The following TSC22D2 variants were observed in gnomAD, a reference collection of about 807,000 sequenced individuals.
TSC22D2 encodes TSC22 domain family protein 2.
A neutral mutation model predicts 50.1 loss-of-function variants in TSC22D2; 5 were observed. That is an observed-to-expected ratio of 0.10 (90% CI 0.05 to 0.21). The LOEUF is 0.21. Among genes scored for constraint, TSC22D2 ranks in the 10% least tolerant of loss-of-function variants. The probability of loss-of-function intolerance (pLI) is 1.00; values close to 1 mark genes in which losing one functional copy is unlikely to be tolerated. For synonymous variants in TSC22D2, 501 were observed against 450.1 expected (o/e 1.11, Z -1.43); for missense variants, 1,003 against 1,015.5 (o/e 0.99, Z 0.17).
chr3:150,440,900 A>G (rs924487893), intron 1 of TSC22D2, among the ~76,000 whole-genome samples: 6 of 151,950 alleles, frequency 3.9e-5, no homozygotes, highest in African/African-American at 1.2e-4. Context: ...TTAAAACCAT[A>G]AGAATTTGTT....
rs774578835 is a variant in TSC22D2, at chr3:150,410,255, C to T, written c.905C>T (p.Pro302Leu). 1.3e-5 allele frequency: 21 copies of T among 1,558,468 alleles called. No homozygotes were observed. Among genetic ancestry groups the T allele is most frequent in the Non-Finnish European group, 1.6e-5 (19 of 1,152,460 alleles). Residue 302 changes from proline to leucine, a missense_variant, in exon 1 of 3, where the codon CCG (proline) becomes CTG (leucine). Physicochemically the swap from Pro to Leu is moderately conservative, Grantham distance 98. Around this residue, in one of 6 missense-constraint regions of TSC22D2, gnomAD observed 696 missense variants for 647.8 expected, o/e 1.07. Coordinates refer to ENST00000688009, the MANE Select transcript of TSC22D2 (RefSeq NM_001303264.2). ...LPPFPGAATG[P>L]QPMMAAAQPS... is the part of the protein sequence containing the mutation. ...CCGTTCCCGGGAGCCGCGACCGGGC[C>T]GCAGCCAATGATGGCAGCCGCGCAG...
intron 1 of TSC22D2, among the ~76,000 whole-genome samples, chr3:150,428,957 C>A (rs569747056): frequency 6.6e-6 from 1 of 152,112 alleles, no homozygotes; most frequent in South Asian, 2.1e-4. Context: ...ATTTTAGTTA[C>A]ATTTAAAATG....
rs1364518430 is a variant in TSC22D2 at position 150,409,339 on chromosome 3, G to T, written c.-12G>T. ...AGCCGGCGTGCCTCTCTGCCCTCCAGCCTTCTTCACCATGTCCAAGATGCC... is the reference window on the plus strand; with the variant it reads ...AGCCGGCGTGCCTCTCTGCCCTCCATCCTTCTTCACCATGTCCAAGATGCC... On this transcript the variant is annotated 5_prime_UTR_variant, in exon 1 of 3. Transcript: ENST00000688009. The surrounding 1 kb of genome is among the most constrained non-coding windows in gnomAD (Gnocchi z 7.4). 1.3e-6 allele frequency: 2 copies of T among 1,586,638 alleles called. No homozygotes were observed. The highest frequency in any genetic ancestry group is 3.4e-5 in the Admixed American group (2 of 58,158).
chr3:150,420,892 G>A (rs1719982721), intron 1 of TSC22D2, among the ~76,000 whole-genome samples: 1 of 152,164 alleles, frequency 6.6e-6, no homozygotes, highest in Admixed American at 6.5e-5. Flanking sequence ...GGCCAGCCTG[G>A]CCAACGTGGT....
intron 1 of TSC22D2, among the ~76,000 whole-genome samples, chr3:150,420,988 C>T (rs757205805): frequency 3.5e-4 from 53 of 152,258 alleles, no homozygotes; most frequent in African/African-American, 1.1e-3. Context: ...GAGGCTGAGG[C>T]GGGAGGATCA....
chr3:150,423,218 T>A (rs1407097571), intron 1 of TSC22D2: 1 of 859,310 alleles, frequency 1.2e-6, no homozygotes, highest in Non-Finnish European at 1.8e-6. Flanking sequence ...CTTTGTTATT[T>A]TAGGGGGGAA....
At chr3:150,452,039 G>T (rs1351594509) in intron 1 of TSC22D2, among the ~76,000 whole-genome samples, 1 of 151,954 alleles carries the variant, frequency 6.6e-6, no homozygotes, top group Non-Finnish European at 1.5e-5. Context: ...TCTTTCATGG[G>T]TTCTCACTAT....
At chr3:150,439,601 C>T (rs16862651) in intron 1 of TSC22D2, among the ~76,000 whole-genome samples, 88,403 of 151,910 alleles carry the variant, frequency 0.58, 26,136 homozygotes, top group Non-Finnish European at 0.64. Context: ...CAGGAGATCA[C>T]GAACCATGTG....
At chr3:150,445,316 A>AAAT (rs139705131) in intron 1 of TSC22D2, among the ~76,000 whole-genome samples, 6,506 of 142,472 alleles carry the variant, frequency 0.046, 201 homozygotes, top group East Asian at 0.15. Flanking sequence ...TCTGTCTCAA[A>AAAT]AATAATAATA....
At chr3:150,437,297 A>G (rs1006423735) in intron 1 of TSC22D2, among the ~76,000 whole-genome samples, 3 of 152,158 alleles carry the variant, frequency 2.0e-5, no homozygotes, top group African/African-American at 7.2e-5. Context: ...GCCCATATAC[A>G]GGTGAGCAAT....
In TSC22D2 at chr3:150,410,410, C is replaced by T. The variant is rs541616918; in HGVS notation, c.1060C>T (p.Pro354Ser). 68 of 1,608,720 alleles carry T rather than the reference C, an allele frequency of 4.2e-5. 1 individual carries two copies. In the South Asian group the frequency reaches 7.3e-4, roughly 17 times the overall value. The stretch of plus-strand genomic sequence containing the variant: ...AGTGGGCGCCCCCGCGGCGCAGCAG[C>T]CCCAGCAGTTCGCGTATCCTCAGCC... Reference protein sequence around the residue: ...PAVGAPAAQQPQQFAYPQPQI... With the variant: ...PAVGAPAAQQSQQFAYPQPQI... Residue 354 changes from proline to serine, a missense_variant, in exon 1 of 3, where the codon CCC becomes TCC. Pro to Ser is a moderately conservative substitution (Grantham distance 74). Around this residue, in one of 6 missense-constraint regions of TSC22D2, gnomAD observed 696 missense variants for 647.8 expected, o/e 1.07. Coordinates refer to ENST00000688009, the MANE Select transcript of TSC22D2 (RefSeq NM_001303264.2).
At chr3:150,439,787 C>A (rs79468327) in intron 1 of TSC22D2, among the ~76,000 whole-genome samples, 43 of 152,084 alleles carry the variant, frequency 2.8e-4, no homozygotes, top group Non-Finnish European at 5.3e-4. Context: ...AAGTATGAGT[C>A]GTGAAAGAAA....
intron 1 of TSC22D2, among the ~76,000 whole-genome samples, chr3:150,421,346 A>C (rs1449286577): frequency 6.6e-6 from 1 of 151,382 alleles, no homozygotes; most frequent in East Asian, 1.9e-4. Flanking sequence ...ACAACAACCA[A>C]AAAAAAAACC....
At chr3:150,421,619 A>G (rs1029025474) in intron 1 of TSC22D2, among the ~76,000 whole-genome samples, 1 of 152,220 alleles carries the variant, frequency 6.6e-6, no homozygotes, top group Non-Finnish European at 1.5e-5. Context: ...AATGAGAAAT[A>G]CACGTATTAG....
chr3:150,409,766 T>C lies in TSC22D2; in HGVS notation c.416T>C (p.Leu139Pro), dbSNP rs1442980323. The C allele has an allele frequency of 1.9e-6, 3 of 1,601,998 alleles. No homozygotes were observed. The highest frequency in any genetic ancestry group is 3.3e-5 in the Admixed American group (2 of 59,962). The change falls in exon 1 of 3, where the codon CTC becomes CCC. Residue 139 changes from leucine to proline, a missense_variant. By Grantham distance (98) the Leu-to-Pro change is moderately conservative. Around this residue, in one of 6 missense-constraint regions of TSC22D2, gnomAD observed 200 missense variants for 182.8 expected, o/e 1.09. Coordinates refer to ENST00000688009, the MANE Select transcript of TSC22D2 (RefSeq NM_001303264.2). The surrounding 1 kb of genome is among the most constrained non-coding windows in gnomAD (Gnocchi z 7.4). ...PAPGAPGGPQ[L>P]AGSSAGPVTA... ...CCCGGAGCACCCGGCGGCCCCCAGC[T>C]CGCGGGCTCATCCGCCGGGCCAGTG... is the stretch of plus-strand genomic sequence containing the variant.
chr3:150,450,125 A>G (rs1463229), intron 1 of TSC22D2, among the ~76,000 whole-genome samples: 119,911 of 152,060 alleles, frequency 0.79, 48,052 homozygotes, highest in African/African-American at 0.92. Context: ...GATGGACTTC[A>G]TATAGATTGC....
chr3:150,413,952 T>C (rs1007978812), intron 1 of TSC22D2, among the ~76,000 whole-genome samples: 19 of 152,066 alleles, frequency 1.2e-4, no homozygotes, highest in Non-Finnish European at 1.5e-5. Flanking sequence ...AATGGGAAAT[T>C]AACAAAAAGA....
intron 1 of TSC22D2, among the ~76,000 whole-genome samples, chr3:150,444,033 C>A (rs552131634): frequency 1.5e-4 from 22 of 151,454 alleles, no homozygotes; most frequent in Non-Finnish European, 2.8e-4. Context: ...TTCTGTTACT[C>A]AAACTTGAAC....
At chr3:150,426,213 A>G (rs1019985003) in intron 1 of TSC22D2, among the ~76,000 whole-genome samples, 2 of 152,254 alleles carry the variant, frequency 1.3e-5, no homozygotes, top group Admixed American at 1.3e-4. Flanking sequence ...TAAAATAAAT[A>G]CTATAACTTA....
Sources: gnomAD v4.1 joint callset for allele counts (sites outside exome capture counted in the v4.1 genomes callset) on GRCh38, gnomAD v4.1.1 for gene constraint, gnomAD v4.1.1 regional missense constraint, Gnocchi (gnomAD v3.1) non-coding constraint, MANE v1.5 for transcripts, NCBI Gene and HGNC (gene_info 2026-07-23, HGNC 2026-07-21) for gene names.